The following ODF2L variants were observed in gnomAD, a reference collection of about 807,000 sequenced individuals.
ODF2L encodes protein BCAP.
Under a neutral mutation model 86.3 loss-of-function variants are expected in ODF2L, and 76 were observed. That is an observed-to-expected ratio of 0.88 (90% confidence interval 0.73 to 1.07). ODF2L has a LOEUF of 1.07. ODF2L is among the 50% of genes least tolerant of loss of function. The pLI is 0.00. For synonymous variants in ODF2L, 241 were observed against 231.3 expected (o/e 1.04, Z -0.38); for missense variants, 748 against 717.4 (o/e 1.04, Z -0.49).
chr1:86,375,550 T>C (rs1660109640), intron 8 of ODF2L, among the ~76,000 whole-genome samples: 1 of 152,128 alleles, frequency 6.6e-6, no homozygotes, highest in Non-Finnish European at 1.5e-5. Context: ...TTAAAAAAAT[T>C]ATTAATTAGT....
chr1:86,368,523 C>G, intron 11 of ODF2L: 2 of 974,206 alleles, frequency 2.1e-6, no homozygotes, highest in Non-Finnish European at 2.7e-6. Context: ...AAATTAAAAC[C>G]ATAGATAACA....
At position 86,354,448 on chromosome 1, in the gene ODF2L, A is replaced by G. The variant is rs565112514; in HGVS notation, c.1767+82T>C. 736 of 882,098 alleles carry G rather than the reference A, an allele frequency of 8.3e-4. 1 individual carries two copies. Among genetic ancestry groups the G allele is most frequent in the Non-Finnish European group, 1.2e-3 (682 of 559,946 alleles). The allele number at this position is 882,098 out of a possible 1,614,324, so 54.6% of individuals were successfully genotyped here. The stretch of plus-strand genomic sequence containing the variant: ...TCACCCTGTCATCAGGACAAAAACA[A>G]TAACTACAGGTTGCAAGATGTTTAA... On this transcript the variant is annotated intron_variant, in intron 16 of 17. Coordinates refer to ENST00000317336, the Ensembl canonical transcript of ODF2L.
chr1:86,395,920 T>G (rs1280407971), intron 1 of ODF2L, 113 bp downstream of exon 1: 1 of 152,174 alleles, frequency 6.6e-6, no homozygotes, highest in Non-Finnish European at 1.5e-5. Flanking sequence ...GGCCTTTTAC[T>G]TCCGGGACCC....
exon 3 of ODF2L, chr1:86,385,480 A>G (rs1265526574): frequency 1.3e-6 from 2 of 1,589,444 alleles, no homozygotes; most frequent in Non-Finnish European, 1.7e-6. Context: ...AATCTTTTCA[A>G]TGGTGTCCTT....
exon 13 of ODF2L, chr1:86,358,837 G>A: frequency 6.5e-7 from 1 of 1,547,004 alleles, no homozygotes; most frequent in South Asian, 1.3e-5. Context: ...TTTTTATGTA[G>A]CAAATTTTCA....
rs368726280 is a variant in ODF2L at position 86,384,812 on chromosome 1, A to G, written c.247-11T>C. On this transcript the variant is annotated splice_polypyrimidine_tract_variant and intron_variant, in intron 3 of 17. Coordinates refer to ENST00000317336, the Ensembl canonical transcript of ODF2L. ...TGCAGAAAGATTCGCCTGACAAATT[A>G]TAAGAACCACATACACATTTTAAGA... The G allele has an allele frequency of 1.1e-5, 17 of 1,481,038 alleles. No individual in the cohort carries two copies. In the African/African-American group the frequency reaches 1.9e-4, roughly 17 times the overall value. The allele number at this position is 1,481,038 out of a possible 1,614,324, so 91.7% of individuals were successfully genotyped here. A position where few individuals can be genotyped will look rare whatever the true frequency, so the allele number is the denominator to read the frequency against.
At chr1:86,383,871 C>G (rs1259271536) in intron 4 of ODF2L, among the ~76,000 whole-genome samples, 3 of 151,684 alleles carry the variant, frequency 2.0e-5, no homozygotes, top group South Asian at 2.1e-4. Flanking sequence ...ATTGATGATA[C>G]AGTGTTAAGT....
intron 10 of ODF2L, 152 bp downstream of exon 10, chr1:86,370,866 A>G: frequency 1.4e-5 from 6 of 425,162 alleles, no homozygotes; most frequent in Non-Finnish European, 1.7e-5. Context: ...AATATTATTT[A>G]GTACTGCTGA....
chr1:86,378,796 G>A (rs924478137), intron 7 of ODF2L, among the ~76,000 whole-genome samples: 2 of 152,040 alleles, frequency 1.3e-5, no homozygotes, highest in Non-Finnish European at 2.9e-5. Context: ...TAGACAGATG[G>A]GGATTCTGAA....
intron 1 of ODF2L, among the ~76,000 whole-genome samples, chr1:86,391,961 A>G (rs1228734068): frequency 6.6e-6 from 1 of 152,202 alleles, no homozygotes; most frequent in African/African-American, 2.4e-5. Flanking sequence ...CTGACAAAAG[A>G]CTAATATCCA....
chr1:86,395,713 G>A (rs1015631868), intron 1 of ODF2L, among the ~76,000 whole-genome samples: 5 of 152,160 alleles, frequency 3.3e-5, no homozygotes, highest in African/African-American at 1.2e-4. Context: ...CACTATTTCT[G>A]AAAGAAATGC....
chr1:86,390,174 G>A (rs1250495533), intron 1 of ODF2L, among the ~76,000 whole-genome samples: 1 of 152,192 alleles, frequency 6.6e-6, no homozygotes, highest in Non-Finnish European at 1.5e-5. Context: ...TGTAATCCCA[G>A]CACTTTGGGA....
intron 5 of ODF2L, 21 bp from the exon 6 acceptor site, chr1:86,383,023 G>A: frequency 7.2e-7 from 1 of 1,380,940 alleles, no homozygotes. Context: ...TATAAAATAA[G>A]AATTAGGAAT....
intron 7 of ODF2L, among the ~76,000 whole-genome samples, chr1:86,377,284 GCAGCT>G (rs1660242031): frequency 6.6e-6 from 1 of 152,170 alleles, no homozygotes; most frequent in Admixed American, 6.5e-5. Context: ...ACGGTCTTTG[GCAGCT>G]CCAGCCTTAT....
intron 14 of ODF2L, 141 bp downstream of exon 13, chr1:86,356,303 T>C (rs983851366): frequency 1.7e-6 from 1 of 574,316 alleles, no homozygotes; most frequent in East Asian, 2.8e-5. Context: ...TATTATAGTA[T>C]CTGCATGAAA....
At chr1:86,375,759 T>C (rs1045115413) in intron 8 of ODF2L, among the ~76,000 whole-genome samples, 2 of 152,206 alleles carry the variant, frequency 1.3e-5, no homozygotes, top group African/African-American at 4.8e-5. Context: ...CTCAAACTAG[T>C]GTTCCTCAGA....
chr1:86,393,017 C>T (rs1057367103), intron 1 of ODF2L, among the ~76,000 whole-genome samples: 4 of 152,020 alleles, frequency 2.6e-5, no homozygotes, highest in African/African-American at 9.7e-5. Flanking sequence ...CCACTGTGGC[C>T]AACAGCAAGC....
chr1:86,371,111 G>T lies in ODF2L; in HGVS notation c.963C>A (p.Asp321Glu), dbSNP rs752333831. The T allele has an allele frequency of 4.5e-6, 7 of 1,545,490 alleles. No individual in the cohort carries two copies. The Admixed American group carries it at 5.4e-5, about 12-fold the overall frequency. Residue 321 changes from aspartate (D) to glutamate (E), a missense_variant, in exon 10 of 18, where the codon GAC becomes GAA. Asp to Glu is a conservative substitution (Grantham distance 45). Transcript: ENST00000317336. The stretch of plus-strand genomic sequence containing the variant: ...TTTCTTCACATGAATTTTTTCCATG[G>T]TCTTCCATTTTCTTCAGATCTTCCA...
chr1:86,391,677 A>G (rs1339234319), intron 1 of ODF2L, among the ~76,000 whole-genome samples: 1 of 152,190 alleles, frequency 6.6e-6, no homozygotes. Flanking sequence ...AAATCAACGC[A>G]AGATGGATCA....
Sources: allele counts gnomAD v4.1 joint callset (sites outside exome capture counted in the v4.1 genomes callset), GRCh38; gene constraint gnomAD v4.1.1; transcripts MANE v1.5; gene names NCBI Gene and HGNC (gene_info 2026-07-23, HGNC 2026-07-21).